The following PATJ variants were observed in gnomAD, a reference collection of about 807,000 sequenced individuals.
PATJ encodes inaD-like protein.
Under a neutral mutation model 224.9 loss-of-function variants are expected in PATJ, and 190 were observed. The ratio of observed to expected loss-of-function variants is 0.84; its 90% CI spans 0.75 to 0.95. The LOEUF is 0.95. PATJ is among the 40% of genes least tolerant of loss of function. PATJ has a pLI of 0.00. For missense variants in PATJ, 2,121 were observed against 2,270.3 expected, an observed-to-expected ratio of 0.93 and a Z score of 1.34; for synonymous variants, 769 against 820.3, an observed-to-expected ratio of 0.94 and a Z score of 1.07.
intron 27 of PATJ, among the ~76,000 whole-genome samples, chr1:61,979,656 G>GAA (rs3060965): frequency 0.62 from 85,153 of 136,826 alleles, 25,334 homozygotes; most frequent in Admixed American, 0.7. Context: ...CGTCTCAAAA[G>GAA]AAAAAAAAAA....
intron 26 of PATJ, among the ~76,000 whole-genome samples, chr1:61,924,698 T>C (rs60953856): frequency 0.048 from 7,326 of 152,276 alleles, 591 homozygotes; most frequent in African/African-American, 0.17. Flanking sequence ...GAGAGATTTA[T>C]ATCTAATTTA....
intron 17 of PATJ, among the ~76,000 whole-genome samples, chr1:61,838,405 A>G (rs925713691): frequency 4.7e-5 from 7 of 149,440 alleles, no homozygotes; most frequent in African/African-American, 1.7e-4. Flanking sequence ...CCCAGGCTGG[A>G]GTGCAGTGGC....
intron 12 of PATJ, among the ~76,000 whole-genome samples, chr1:61,803,256 T>C (rs1366150139): frequency 5.3e-5 from 8 of 152,170 alleles, no homozygotes; most frequent in Admixed American, 5.2e-4. Flanking sequence ...TTATTTACTA[T>C]GCTTGGCATA....
intron 1 of PATJ, among the ~76,000 whole-genome samples, chr1:61,762,479 G>A (rs981827294): frequency 2.6e-5 from 4 of 152,122 alleles, no homozygotes; most frequent in Admixed American, 1.3e-4. Flanking sequence ...ATGTGCAGGC[G>A]TTTTTGTGAG....
chr1:61,768,852 A>G (rs1646443198), intron 4 of PATJ, among the ~76,000 whole-genome samples: 1 of 152,126 alleles, frequency 6.6e-6, no homozygotes, highest in South Asian at 2.1e-4. Flanking sequence ...GTGAGCCGAG[A>G]TCACGCCACT....
chr1:61,929,244 A>G (rs1164628916), intron 27 of PATJ, among the ~76,000 whole-genome samples: 1 of 152,210 alleles, frequency 6.6e-6, no homozygotes, highest in Admixed American at 6.5e-5. Flanking sequence ...GAAGGCCAGT[A>G]TTTGCCCAGT....
At chr1:61,971,369 G>A (rs1175836457) in intron 27 of PATJ, among the ~76,000 whole-genome samples, 1 of 152,178 alleles carries the variant, frequency 6.6e-6, no homozygotes, top group East Asian at 1.9e-4. Flanking sequence ...ACAGCGTAAG[G>A]CCAGGTGTGG....
intron 5 of PATJ, 152 bp from the exon 6 acceptor site, chr1:61,771,279 C>T (rs1246982170): frequency 2.1e-6 from 1 of 468,276 alleles, no homozygotes; most frequent in Non-Finnish European, 3.8e-6. Context: ...GTGAAAAACA[C>T]TCTGAAGAGC....
At chr1:61,856,291 A>T in intron 18 of PATJ, 52 bp downstream of exon 18, 1 of 1,454,364 alleles carries the variant, frequency 6.9e-7, no homozygotes, top group Non-Finnish European at 9.6e-7. Context: ...CAACAGTTAA[A>T]AACATGGATT....
At chr1:62,006,346 G>C (rs542337793) in intron 28 of PATJ, among the ~76,000 whole-genome samples, 2 of 152,256 alleles carry the variant, frequency 1.3e-5, no homozygotes, top group East Asian at 3.9e-4. Flanking sequence ...GAACTCCTGA[G>C]CTCAGGCAAT....
chr1:62,134,160 C>T (rs541137319), intron 41 of PATJ, among the ~76,000 whole-genome samples: 8 of 151,092 alleles, frequency 5.3e-5, no homozygotes, highest in South Asian at 4.2e-4. Flanking sequence ...GGTCTCCCCA[C>T]GTTATTCTCT....
chr1:61,821,546 A>G (rs1657268875), intron 14 of PATJ, among the ~76,000 whole-genome samples: 2 of 152,250 alleles, frequency 1.3e-5, no homozygotes, highest in South Asian at 4.1e-4. Context: ...CTATAGTGAG[A>G]CAGAAGTGAG....
intron 14 of PATJ, among the ~76,000 whole-genome samples, chr1:61,819,383 A>G (rs2148702773): frequency 6.6e-6 from 1 of 152,106 alleles, no homozygotes; most frequent in East Asian, 1.9e-4. Context: ...TTGTTTATTT[A>G]TGTATTTGCT....
intron 39 of PATJ, among the ~76,000 whole-genome samples, chr1:62,125,265 A>G (rs1192835775): frequency 1.7e-5 from 1 of 59,970 alleles, no homozygotes; most frequent in African/African-American, 4.3e-5. Context: ...AAAAAAAAAC[A>G]AAAAAAAAAC....
Position 61,908,202 on chromosome 1 carries a change from G to T in PATJ, c.3382-170G>T, listed in dbSNP as rs1428277506. Among the ~76,000 whole-genome samples the T allele has an allele frequency of 7.2e-5, 11 of 152,090 alleles. 1 individual carries two copies. The East Asian group carries it at 1.9e-3, about 27-fold the overall frequency. On this transcript the variant is annotated intron_variant, in intron 24 of 43. Coordinates refer to ENST00000642238, the MANE Select transcript of PATJ (RefSeq NM_001350145.3). ...GTGAAATGTTACTTTCCTTGAACAT[G>T]TTCTTCTAAAATTGCCAAGCTTTTT...
chr1:62,123,250 A>AT (rs1281906847), intron 39 of PATJ, among the ~76,000 whole-genome samples, 192 bp downstream of exon 39: 2 of 152,022 alleles, frequency 1.3e-5, no homozygotes, highest in Non-Finnish European at 2.9e-5. Flanking sequence ...ACCTCTATGA[A>AT]TTTTTTGGCA....
chr1:62,013,421 C>T (rs1646569748), intron 28 of PATJ: 1 of 985,140 alleles, frequency 1.0e-6, no homozygotes, highest in African/African-American at 1.7e-5. Context: ...AGGACTGCAA[C>T]TCAGCACATC....
intron 41 of PATJ, among the ~76,000 whole-genome samples, chr1:62,141,630 G>T (rs1667507298): frequency 6.6e-6 from 1 of 151,042 alleles, no homozygotes; most frequent in South Asian, 2.1e-4. Context: ...AGGTAAGATT[G>T]TGCCACTGCA....
chr1:61,786,130 G>A (rs1024097509), intron 7 of PATJ, among the ~76,000 whole-genome samples: 2 of 152,220 alleles, frequency 1.3e-5, no homozygotes, highest in African/African-American at 2.4e-5. Context: ...CAAGTGATTC[G>A]CATGCCTCAG....
Sources: gnomAD v4.1 joint callset for allele counts (sites outside exome capture counted in the v4.1 genomes callset) on GRCh38, gnomAD v4.1.1 for gene constraint, MANE v1.5 for transcripts, NCBI Gene and HGNC (gene_info 2026-07-23, HGNC 2026-07-21) for gene names.